ERI1: variants seen among roughly 807,000 people sequenced by gnomAD.
ERI1 encodes the protein exoribonuclease 1.
ERI1 carries 39 observed loss-of-function variants against 39.7 expected under a neutral mutation model. That is an observed-to-expected ratio of 0.98 (90% CI 0.76 to 1.28). ERI1 has a LOEUF of 1.28. Ranked by LOEUF, ERI1 falls within the 50% of genes most tolerant of loss-of-function variation. The probability of loss-of-function intolerance (pLI) is 0.00; values close to 1 mark genes in which losing one functional copy is unlikely to be tolerated. For synonymous variants in ERI1, 204 were observed against 149.6 expected (o/e 1.36, Z -2.65); for missense variants, 581 against 416.9 (o/e 1.39, Z -3.43).
intron 1 of ERI1, among the ~76,000 whole-genome samples, chr8:9,004,837 A>T (rs938380356): frequency 6.6e-6 from 1 of 151,776 alleles, no homozygotes; most frequent in South Asian, 2.1e-4. Context: ...ACAGGAACCC[A>T]CCACCACGCT....
chr8:9,004,039 T>G, intron 1 of ERI1: 2 of 1,278,478 alleles, frequency 1.6e-6, no homozygotes, highest in Admixed American at 2.3e-5. Flanking sequence ...CCTTGGTAAT[T>G]GCATCTCACA....
chr8:9,052,854 G>C (rs1798403309), intron 3 of ERI1, among the ~76,000 whole-genome samples: 1 of 151,986 alleles, frequency 6.6e-6, no homozygotes. Flanking sequence ...AATCAAGGTG[G>C]GCCCTTAAAT....
intron 3 of ERI1, among the ~76,000 whole-genome samples, chr8:9,079,361 T>C (rs1799304130): frequency 6.6e-6 from 1 of 152,218 alleles, no homozygotes; most frequent in South Asian, 2.1e-4. Context: ...AGTTCAGCTA[T>C]AGACCGTTTT....
intron 3 of ERI1, among the ~76,000 whole-genome samples, chr8:9,095,805 C>G (rs372067249): frequency 1.3e-5 from 2 of 152,082 alleles, no homozygotes; most frequent in Non-Finnish European, 2.9e-5. Flanking sequence ...ACACTGCGCT[C>G]GGCCAGGACA....
chr8:9,023,983 G>C (rs1193305863), intron 6 of ERI1, among the ~76,000 whole-genome samples: 3 of 151,678 alleles, frequency 2.0e-5, no homozygotes, highest in Non-Finnish European at 4.4e-5. Flanking sequence ...GTATTTTTTA[G>C]TAGAGACGGG....
intron 3 of ERI1, among the ~76,000 whole-genome samples, chr8:9,075,488 C>CTTT (rs564946590): frequency 4.8e-4 from 69 of 142,442 alleles, no homozygotes; most frequent in African/African-American, 5.6e-4. Flanking sequence ...CTGAACATGC[C>CTTT]TTTTTTTTTT....
chr8:9,028,663 G>A (rs543594759), intron 6 of ERI1, among the ~76,000 whole-genome samples: 3 of 151,986 alleles, frequency 2.0e-5, no homozygotes, highest in Non-Finnish European at 2.9e-5. Flanking sequence ...TCACTCTGAC[G>A]CCCAGGCTGG....
intron 6 of ERI1, among the ~76,000 whole-genome samples, chr8:9,024,710 C>T (rs533400800): frequency 3.9e-5 from 6 of 152,314 alleles, no homozygotes; most frequent in Non-Finnish European, 7.4e-5. Flanking sequence ...CAGGCATGAG[C>T]CACCAGGCCC....
chr8:9,092,113 C>T (rs1799726148), intron 3 of ERI1, among the ~76,000 whole-genome samples: 2 of 152,172 alleles, frequency 1.3e-5, no homozygotes, highest in Non-Finnish European at 2.9e-5. Context: ...CGTGCCACCA[C>T]ACCTGGCTAA....
chr8:9,021,750 C>G (rs1273752515), intron 6 of ERI1, among the ~76,000 whole-genome samples: 1 of 140,594 alleles, frequency 7.1e-6, no homozygotes, highest in South Asian at 2.2e-4. Context: ...TAGTATTATA[C>G]TGGCTATATT....
intron 3 of ERI1, among the ~76,000 whole-genome samples, chr8:9,057,352 C>G (rs1798541547): frequency 6.6e-6 from 1 of 152,136 alleles, no homozygotes; most frequent in Non-Finnish European, 1.5e-5. Flanking sequence ...GGTGCTTTGC[C>G]CAACTCTGGG....
chr8:9,046,954 G>C (rs1163491509), intron 3 of ERI1, among the ~76,000 whole-genome samples: 1 of 152,200 alleles, frequency 6.6e-6, no homozygotes, highest in East Asian at 1.9e-4. Flanking sequence ...ATCAGCCTGA[G>C]GCTGGCAGAG....
intron 3 of ERI1, among the ~76,000 whole-genome samples, chr8:9,088,114 G>A (rs186613697): frequency 2.0e-5 from 3 of 152,218 alleles, no homozygotes; most frequent in Non-Finnish European, 4.4e-5. Context: ...TCATGGCCAG[G>A]AAAGGAGACA....
At chr8:9,081,834 C>T (rs915109998) in intron 3 of ERI1, among the ~76,000 whole-genome samples, 1 of 151,984 alleles carries the variant, frequency 6.6e-6, no homozygotes, top group Non-Finnish European at 1.5e-5. Context: ...AGAGAGGGAA[C>T]CCCCACAACT....
chr8:9,006,955 G>C (rs1464034992), intron 1 of ERI1, among the ~76,000 whole-genome samples: 3 of 152,204 alleles, frequency 2.0e-5, no homozygotes, highest in African/African-American at 7.2e-5. Context: ...TATAATTACA[G>C]TTTACGTGAG....
intron 1 of ERI1, among the ~76,000 whole-genome samples, chr8:9,004,485 C>CTTGTTTTTTTTT (rs1815744662): frequency 7.7e-5 from 6 of 78,328 alleles, no homozygotes; most frequent in African/African-American, 3.0e-4. Context: ...TATAGTGATA[C>CTTGTTTTTTTTT]TTTTTTTTTT....
intron 3 of ERI1, among the ~76,000 whole-genome samples, chr8:9,082,279 C>A (rs986545677): frequency 2.0e-5 from 3 of 152,314 alleles, no homozygotes; most frequent in East Asian, 3.9e-4. Context: ...GAACTTCTGG[C>A]AAGTAACATG....
chr8:9,019,117 G>T (rs1461945113), intron 5 of ERI1, among the ~76,000 whole-genome samples: 1 of 152,158 alleles, frequency 6.6e-6, no homozygotes, highest in African/African-American at 2.4e-5. Context: ...AGCTTAAAGT[G>T]TATGCCCAAA....
chr8:9,064,035 G>A (rs1323158672), intron 3 of ERI1, among the ~76,000 whole-genome samples: 1 of 151,928 alleles, frequency 6.6e-6, no homozygotes, highest in East Asian at 1.9e-4. Context: ...AAAGGGGTTG[G>A]GGTGTGTAAA....
Sources: allele counts gnomAD v4.1 joint callset (sites outside exome capture counted in the v4.1 genomes callset), GRCh38; gene constraint gnomAD v4.1.1; transcripts MANE v1.5; gene names NCBI Gene and HGNC (gene_info 2026-07-23, HGNC 2026-07-21).